The following MARCHF8 variants were observed in gnomAD, a reference collection of about 807,000 sequenced individuals.
The protein encoded by MARCHF8 is membrane associated ring-CH-type finger 8.
Under a neutral mutation model 51.6 loss-of-function variants are expected in MARCHF8, and 40 were observed. The observed-to-expected ratio is 0.77, with a 90% CI of 0.60 to 1.01. The LOEUF is 1.01. MARCHF8 is among the 50% of genes least tolerant of loss of function. The pLI, the probability that MARCHF8 is intolerant of heterozygous loss-of-function variation, is 0.00. For synonymous variants in MARCHF8, 263 were observed against 280.3 expected (o/e 0.94, Z 0.62); for missense variants, 685 against 708.6 (o/e 0.97, Z 0.38).
intron 1 of MARCHF8, among the ~76,000 whole-genome samples, chr10:45,580,354 G>C (rs1487659588): frequency 2.0e-5 from 3 of 152,042 alleles, no homozygotes; most frequent in Non-Finnish European, 4.4e-5. Context: ...TATAAACAGT[G>C]ACTGTTTGAA....
chr10:45,588,665 T>G (rs373159704), intron 1 of MARCHF8, among the ~76,000 whole-genome samples: 1 of 152,192 alleles, frequency 6.6e-6, no homozygotes, highest in South Asian at 2.1e-4. Flanking sequence ...TATCATTGAC[T>G]ATTGGTTATG....
intron 3 of MARCHF8, among the ~76,000 whole-genome samples, chr10:45,474,498 A>T (rs1481592833): frequency 2.6e-5 from 4 of 151,030 alleles, no homozygotes. Context: ...CCCATCTGTC[A>T]GAGCTCTATC....
chr10:45,592,050 C>A (rs1764128254), intron 1 of MARCHF8, among the ~76,000 whole-genome samples: 1 of 152,168 alleles, frequency 6.6e-6, no homozygotes. Context: ...CAGAAATTAG[C>A]ACCTGGAGAA....
chr10:45,554,145 AAAG>A (rs1462381653), intron 1 of MARCHF8, among the ~76,000 whole-genome samples: 1 of 152,250 alleles, frequency 6.6e-6, no homozygotes, highest in Non-Finnish European at 1.5e-5. Flanking sequence ...CTAAAAATGA[AAAG>A]AATTTGGGAA....
At chr10:45,534,648 TGAATCTC>T in intron 1 of MARCHF8, among the ~76,000 whole-genome samples, 1 of 152,282 alleles carries the variant, frequency 6.6e-6, no homozygotes, top group East Asian at 1.9e-4. Context: ...ACCAAAAGAA[TGAATCTC>T]GAATTTGGAG....
At chr10:45,557,264 G>T (rs57457563) in intron 1 of MARCHF8, among the ~76,000 whole-genome samples, 4 of 151,710 alleles carry the variant, frequency 2.6e-5, no homozygotes, top group African/African-American at 9.7e-5. Flanking sequence ...GAGTAGCTGA[G>T]ATTACAGGTG....
chr10:45,463,244 G>T lies in MARCHF8; in HGVS notation c.995C>A (p.Ser332Tyr). The T allele has an allele frequency of 6.4e-7, 1 of 1,550,734 alleles. No homozygotes were observed. The highest frequency in any genetic ancestry group is 2.4e-5 in the East Asian group (1 of 40,926). The part of the protein sequence containing the change: ...KSRVLRAPLC[S>Y]TEKDSDLDCP... ...ATCCAGGTCGCTGTCCTTTTCCGTG[G>T]AGCAGAGGGGCGCCCGCAGAACCCT... Residue 332 changes from serine to tyrosine, a missense_variant, in exon 5 of 8, where the codon TCC (serine) becomes TAC (tyrosine). Coordinates refer to ENST00000453424, the MANE Select transcript of MARCHF8 (RefSeq NM_001282866.2).
chr10:45,484,464 C>G (rs898722585), intron 3 of MARCHF8, among the ~76,000 whole-genome samples: 1 of 152,172 alleles, frequency 6.6e-6, no homozygotes, highest in South Asian at 2.1e-4. Context: ...AGCATGTCAC[C>G]TGTGGGACTC....
At chr10:45,530,407 G>A (rs1196665264) in intron 2 of MARCHF8, among the ~76,000 whole-genome samples, 6 of 152,168 alleles carry the variant, frequency 3.9e-5, no homozygotes, top group African/African-American at 1.4e-4. Flanking sequence ...GAAACTGGGT[G>A]TCAGGTATAT....
intron 3 of MARCHF8, among the ~76,000 whole-genome samples, chr10:45,485,504 G>C (rs1424461951): frequency 1.3e-5 from 2 of 152,116 alleles, no homozygotes; most frequent in African/African-American, 4.8e-5. Flanking sequence ...ATCAAATCCA[G>C]CTGCCCACTT....
In MARCHF8 at chr10:45,499,767, ACT is replaced by A. The variant is rs146374241; in HGVS notation, c.103-10352_103-10351del. ...AAATATGTGAGGCTTTATTTCTGGG[ACT>A]CTCTATTCTATTCCATTGGTTTCTA... On this transcript the variant is annotated intron_variant, in intron 2 of 7. Coordinates refer to ENST00000453424, the MANE Select transcript of MARCHF8 (RefSeq NM_001282866.2). Among the ~76,000 whole-genome samples the A allele has an allele frequency of 3.8e-3, 574 of 151,822 alleles. 12 individuals are homozygous for A. In the East Asian group the frequency reaches 0.053, roughly 14 times the overall value.
intron 1 of MARCHF8, among the ~76,000 whole-genome samples, chr10:45,563,596 T>C (rs891071188): frequency 6.6e-6 from 1 of 152,126 alleles, no homozygotes; most frequent in African/African-American, 2.4e-5. Context: ...TGAAAAAACC[T>C]TAATTGTATT....
upstream of MARCHF8, among the ~76,000 whole-genome samples, chr10:45,535,899 C>T (rs893115908): frequency 1.3e-5 from 2 of 152,068 alleles, no homozygotes; most frequent in African/African-American, 4.8e-5. Flanking sequence ...GAGATACTGC[C>T]AAAGCTGGTT....
intron 1 of MARCHF8, among the ~76,000 whole-genome samples, chr10:45,583,806 A>G (rs1028599211): frequency 4.6e-5 from 7 of 152,126 alleles, no homozygotes; most frequent in Non-Finnish European, 8.8e-5. Context: ...CAATAAAGAC[A>G]TATGCTTGTC....
chr10:45,543,396 C>T (rs2044078730), intron 1 of MARCHF8, among the ~76,000 whole-genome samples: 1 of 152,188 alleles, frequency 6.6e-6, no homozygotes, highest in African/African-American at 2.4e-5. Context: ...ATTGATAAAT[C>T]AGACTTTATT....
chr10:45,469,665 A>G (rs1256430583), intron 3 of MARCHF8, among the ~76,000 whole-genome samples: 1 of 152,010 alleles, frequency 6.6e-6, no homozygotes, highest in Non-Finnish European at 1.5e-5. Context: ...GGAGATCGAG[A>G]CCATCCTGGC....
chr10:45,558,656 C>T (rs1473130059), intron 1 of MARCHF8, among the ~76,000 whole-genome samples: 12 of 152,188 alleles, frequency 7.9e-5, no homozygotes, highest in Admixed American at 2.6e-4. Context: ...GCCAGGCGCA[C>T]GGTGGTGGCT....
At chr10:45,532,887 T>C (rs945546340) in intron 2 of MARCHF8, among the ~76,000 whole-genome samples, 1 of 152,138 alleles carries the variant, frequency 6.6e-6, no homozygotes, top group African/African-American at 2.4e-5. Flanking sequence ...ATTTAACCAA[T>C]GAAGATAAGT....
At chr10:45,531,109 TA>T (rs2043876169) in intron 2 of MARCHF8, among the ~76,000 whole-genome samples, 1 of 152,070 alleles carries the variant, frequency 6.6e-6, no homozygotes, top group South Asian at 2.1e-4. Flanking sequence ...AAAATAACCT[TA>T]AAAAATTAAA....
Sources: gnomAD v4.1 joint callset for allele counts (sites outside exome capture counted in the v4.1 genomes callset) on GRCh38, gnomAD v4.1.1 for gene constraint, MANE v1.5 for transcripts, NCBI Gene and HGNC (gene_info 2026-07-23, HGNC 2026-07-21) for gene names.